Variants in TRAPPC9 observed in about 807,000 individuals in gnomAD.
The protein encoded by TRAPPC9 is IKK2 binding protein.
A neutral mutation model predicts 124.0 loss-of-function variants in TRAPPC9; 83 were observed. That is an observed-to-expected ratio of 0.67 (90% CI 0.56 to 0.80). TRAPPC9 has a LOEUF of 0.80. Ranked by LOEUF, TRAPPC9 falls within the 30% of genes least tolerant of loss-of-function variation. The pLI is 0.00. For missense variants in TRAPPC9, 1,302 were observed against 1,508.3 expected (o/e 0.86, Z 2.27); for synonymous variants, 638 against 617.5 (o/e 1.03, Z -0.49).
intron 15 of TRAPPC9, among the ~76,000 whole-genome samples, chr8:140,263,326 G>C (rs1161742447): frequency 6.6e-6 from 1 of 152,174 alleles, no homozygotes. Context: ...CGGGAGGACA[G>C]GGATGACTGT....
intron 19 of TRAPPC9, among the ~76,000 whole-genome samples, chr8:139,976,183 G>A (rs1003631565): frequency 6.6e-6 from 1 of 151,990 alleles, no homozygotes; most frequent in Non-Finnish European, 1.5e-5. Context: ...GAGCCACCGC[G>A]CCTGGCCAGG....
intron 19 of TRAPPC9, chr8:139,916,426 A>G (rs1180106555): frequency 6.6e-6 from 1 of 152,262 alleles, no homozygotes; most frequent in African/African-American, 2.4e-5. Context: ...TGAGGCGCTA[A>G]GGAGATGACC....
Position 140,231,966 on chromosome 8 carries a change from G to A in TRAPPC9, c.2432-10383C>T, listed in dbSNP as rs528291480. Among the ~76,000 whole-genome samples, 5 of 152,204 alleles carry A rather than the reference G, an allele frequency of 3.3e-5. No individual in the cohort carries two copies. In the South Asian group the frequency reaches 1.0e-3, roughly 32 times the overall value. On this transcript the variant is annotated intron_variant, in intron 16 of 22. Transcript: ENST00000438773. ...GCATTTAGCAGTTAGTAGAGACAGGGTTTTGACACATTGACCAGGCTGGTC... is the reference window on the plus strand; with the variant it reads ...GCATTTAGCAGTTAGTAGAGACAGGATTTTGACACATTGACCAGGCTGGTC...
intron 17 of TRAPPC9, among the ~76,000 whole-genome samples, chr8:140,207,498 CAATA>C (rs2062954913): frequency 1.3e-5 from 2 of 152,230 alleles, no homozygotes; most frequent in African/African-American, 4.8e-5. Flanking sequence ...GCAAGAAATG[CAATA>C]AAAGCACACA....
chr8:139,919,186 A>G (rs1415883038), intron 19 of TRAPPC9, among the ~76,000 whole-genome samples: 3 of 152,214 alleles, frequency 2.0e-5, no homozygotes, highest in Non-Finnish European at 4.4e-5. Context: ...GCTTGCAGCA[A>G]CACGGACTGG....
intron 21 of TRAPPC9, among the ~76,000 whole-genome samples, chr8:139,843,773 G>T (rs950120136): frequency 1.3e-5 from 2 of 152,212 alleles, no homozygotes; most frequent in African/African-American, 4.8e-5. Flanking sequence ...CCTCCAGAAG[G>T]AATGAGCCCC....
At chr8:140,421,944 G>A (rs78965918) in intron 5 of TRAPPC9, among the ~76,000 whole-genome samples, 1,424 of 103,452 alleles carry the variant, frequency 0.014, 29 homozygotes, top group African/African-American at 0.05. Context: ...AACCTACGCC[G>A]AACTCTGCAA....
chr8:140,386,525 GACAA>G (rs1261979565), intron 7 of TRAPPC9, among the ~76,000 whole-genome samples: 10 of 152,048 alleles, frequency 6.6e-5, no homozygotes, highest in Non-Finnish European at 1.5e-4. Context: ...ACCAATAACA[GACAA>G]ACAGAGAGCC....
intron 17 of TRAPPC9, among the ~76,000 whole-genome samples, chr8:140,072,104 G>A (rs184244509): frequency 5.1e-4 from 78 of 152,338 alleles, no homozygotes; most frequent in African/African-American, 1.7e-3. Context: ...TTTTTTTAAG[G>A]TGAAGAAATT....
chr8:140,021,665 TTTATATA>T (rs1342033146), intron 18 of TRAPPC9, among the ~76,000 whole-genome samples: 1 of 152,204 alleles, frequency 6.6e-6, no homozygotes, highest in African/African-American at 2.4e-5. Context: ...CAGTGATCTC[TTTATATA>T]GCACCTGAAA....
chr8:140,414,522 A>C (rs1337748803), intron 5 of TRAPPC9, among the ~76,000 whole-genome samples: 1 of 151,922 alleles, frequency 6.6e-6, no homozygotes, highest in East Asian at 1.9e-4. Flanking sequence ...TGACAGAGAG[A>C]GACCCTGTCT....
chr8:140,376,513 G>C (rs189406309), intron 7 of TRAPPC9, among the ~76,000 whole-genome samples: 1 of 135,736 alleles, frequency 7.4e-6, no homozygotes, highest in Non-Finnish European at 1.5e-5. Context: ...CCGGGATTGC[G>C]CCACTGCACT....
intron 19 of TRAPPC9, among the ~76,000 whole-genome samples, chr8:139,966,802 T>TGGCA (rs1246335409): frequency 2.0e-5 from 3 of 152,194 alleles, no homozygotes; most frequent in Non-Finnish European, 2.9e-5. Flanking sequence ...ATACATATCA[T>TGGCA]GGCAGGTTTC....
intron 21 of TRAPPC9, among the ~76,000 whole-genome samples, chr8:139,798,387 GA>G (rs1438367512): frequency 1.3e-5 from 2 of 152,196 alleles, no homozygotes; most frequent in Non-Finnish European, 2.9e-5. Context: ...ACAGAGCTGT[GA>G]TTTAGAAATA....
intron 17 of TRAPPC9, among the ~76,000 whole-genome samples, chr8:140,116,909 AAGTAGGCGGAGTTCAGTG>A (rs1452278330): frequency 6.6e-4 from 67 of 101,366 alleles, no homozygotes; most frequent in African/African-American, 1.4e-3. Context: ...GGAGTTCAGT[AAGTAGGCGGAGTTCAGTG>A]AGTAGGCGGA....
At chr8:140,001,967 A>G (rs1157123790) in intron 18 of TRAPPC9, among the ~76,000 whole-genome samples, 1 of 152,200 alleles carries the variant, frequency 6.6e-6, no homozygotes, top group Non-Finnish European at 1.5e-5. Context: ...TGTTTTAAAA[A>G]TCATTCTGAA....
At position 140,257,553 on chromosome 8, in the gene TRAPPC9, C is replaced by T. The variant is rs1275293125; in HGVS notation, c.2279-4624G>A. ...ACAGGGGAGGGAGGAAAGAAGCACA[C>T]GTCCTTTCAGAAGTTGACATCTGGT... On this transcript the variant is annotated intron_variant, in intron 15 of 22. Transcript: ENST00000438773. The surrounding 1 kb of genome is among the most constrained non-coding windows in gnomAD (Gnocchi z 4.6). Among the ~76,000 whole-genome samples, 1 of 152,198 alleles carries T rather than the reference C, an allele frequency of 6.6e-6. No individual in the cohort carries two copies. The highest frequency in any genetic ancestry group is 1.5e-5 in the Non-Finnish European group (1 of 68,042).
intron 9 of TRAPPC9, among the ~76,000 whole-genome samples, chr8:140,339,707 T>C (rs1219922082): frequency 6.6e-6 from 1 of 152,224 alleles, no homozygotes; most frequent in Non-Finnish European, 1.5e-5. Context: ...TATGAAACCC[T>C]ACCACTTCAC....
chr8:139,971,434 T>G (rs1484879454), intron 19 of TRAPPC9, among the ~76,000 whole-genome samples: 7 of 152,146 alleles, frequency 4.6e-5, no homozygotes, highest in Non-Finnish European at 7.4e-5. Context: ...CAGCTCCTCC[T>G]GGCCGGTGAA....
Sources: gnomAD v4.1 joint callset for allele counts (sites outside exome capture counted in the v4.1 genomes callset) on GRCh38, gnomAD v4.1.1 for gene constraint, Gnocchi (gnomAD v3.1) non-coding constraint, MANE v1.5 for transcripts, NCBI Gene and HGNC (gene_info 2026-07-23, HGNC 2026-07-21) for gene names.